ADGRB3: variants seen among roughly 807,000 people sequenced by gnomAD.
ADGRB3 encodes brain-specific angiogenesis inhibitor 3.
Under a neutral mutation model 193.4 loss-of-function variants are expected in ADGRB3, and 37 were observed. The observed-to-expected ratio is 0.19, with a 90% CI of 0.15 to 0.25. ADGRB3 has a LOEUF of 0.25. ADGRB3 is among the 10% of genes least tolerant of loss of function. ADGRB3 has a pLI of 1.00. For missense variants in ADGRB3, 1,637 were observed against 1,852.9 expected, an observed-to-expected ratio of 0.88 and a Z score of 2.14; for synonymous variants, 690 against 644.2, an observed-to-expected ratio of 1.07 and a Z score of -1.08.
intron 3 of ADGRB3, among the ~76,000 whole-genome samples, chr6:68,866,718 A>G (rs1456183801): frequency 6.6e-6 from 1 of 152,204 alleles, no homozygotes; most frequent in East Asian, 1.9e-4. Flanking sequence ...ATAGTCTCAG[A>G]TGGAGATTAG....
chr6:69,270,919 A>AT (rs983861408), intron 20 of ADGRB3, among the ~76,000 whole-genome samples: 1 of 152,098 alleles, frequency 6.6e-6, no homozygotes, highest in Non-Finnish European at 1.5e-5. Context: ...TAGAATAAGC[A>AT]TTTTTTTCAA....
intron 8 of ADGRB3, among the ~76,000 whole-genome samples, chr6:68,970,231 C>T (rs1768518786): frequency 6.6e-6 from 1 of 151,884 alleles, no homozygotes; most frequent in African/African-American, 2.4e-5. Context: ...TTTGTTTCAC[C>T]TTGCCTCCTC....
chr6:68,765,650 C>T (rs1766495517), intron 3 of ADGRB3, among the ~76,000 whole-genome samples: 1 of 151,454 alleles, frequency 6.6e-6, no homozygotes, highest in African/African-American at 2.4e-5. Context: ...AGGGTCTTGT[C>T]TTATTATATT....
rs768901389 is a variant in ADGRB3 at position 69,354,219 on chromosome 6, C to G, written c.3460-14C>G. 1.9e-6 allele frequency: 3 copies of G among 1,592,088 alleles called. No individual in the cohort carries two copies. In the South Asian group the frequency reaches 3.3e-5, roughly 18 times the overall value. Reference sequence around the variant, plus strand: ...TAAGAGAGAAGAAAATTAATGTGTTCCCCCTCCCCACAGGTTCAGGATGCA... The same window carrying G: ...TAAGAGAGAAGAAAATTAATGTGTTGCCCCTCCCCACAGGTTCAGGATGCA... On this transcript the variant is annotated splice_polypyrimidine_tract_variant and intron_variant, in intron 26 of 31. Transcript: ENST00000370598.
At chr6:68,737,994 G>A (rs370057207) in intron 3 of ADGRB3, among the ~76,000 whole-genome samples, 1 of 152,192 alleles carries the variant, frequency 6.6e-6, no homozygotes. Context: ...AAGGAGAAAG[G>A]GAAAGGTGTT....
chr6:68,697,513 A>T (rs1052432131), intron 3 of ADGRB3, among the ~76,000 whole-genome samples: 1 of 151,860 alleles, frequency 6.6e-6, no homozygotes, highest in Non-Finnish European at 1.5e-5. Flanking sequence ...TCATAGTAAC[A>T]TTTTTAGTGT....
intron 8 of ADGRB3, among the ~76,000 whole-genome samples, chr6:68,958,870 AG>A (rs1443808902): frequency 1.4e-5 from 2 of 147,234 alleles, no homozygotes; most frequent in Non-Finnish European, 3.0e-5. Flanking sequence ...AAAGAAAAAT[AG>A]TGTGTGTGTG....
chr6:68,738,086 G>T (rs769277330), intron 3 of ADGRB3, among the ~76,000 whole-genome samples: 1 of 152,132 alleles, frequency 6.6e-6, no homozygotes, highest in Non-Finnish European at 1.5e-5. Flanking sequence ...ATCTGAAAGG[G>T]AATAAGGATG....
intron 3 of ADGRB3, among the ~76,000 whole-genome samples, chr6:68,929,834 A>G (rs1767289208): frequency 6.6e-6 from 1 of 152,062 alleles, no homozygotes; most frequent in Non-Finnish European, 1.5e-5. Flanking sequence ...TTAGTACCAG[A>G]CATTTTTTTT....
intron 3 of ADGRB3, among the ~76,000 whole-genome samples, chr6:68,879,421 G>T (rs1217722224): frequency 1.3e-5 from 2 of 151,666 alleles, no homozygotes; most frequent in Non-Finnish European, 2.9e-5. Flanking sequence ...GTAGAGACGG[G>T]GTTTCACCGT....
chr6:68,647,740 G>A (rs1582095866), intron 3 of ADGRB3, among the ~76,000 whole-genome samples: 1 of 152,090 alleles, frequency 6.6e-6, no homozygotes, highest in Non-Finnish European at 1.5e-5. Context: ...AATGATTTCC[G>A]ACTATTTTAA....
intron 17 of ADGRB3, among the ~76,000 whole-genome samples, chr6:69,206,709 CA>C (rs1403327034): frequency 6.6e-6 from 1 of 152,038 alleles, no homozygotes; most frequent in Admixed American, 6.6e-5. Flanking sequence ...AAGAAGGAAA[CA>C]AAAGAAGGAG....
At chr6:69,120,361 C>A (rs4706126) in intron 17 of ADGRB3, among the ~76,000 whole-genome samples, 97,077 of 152,116 alleles carry the variant, frequency 0.64, 32,233 homozygotes, top group East Asian at 0.95. Context: ...GAAATCTGTG[C>A]TTTAACCAGC....
intron 16 of ADGRB3, among the ~76,000 whole-genome samples, chr6:69,064,695 C>A (rs1283582966): frequency 6.6e-6 from 1 of 152,030 alleles, no homozygotes; most frequent in Non-Finnish European, 1.5e-5. Flanking sequence ...CACCCAGTAT[C>A]AGAATGTGTA....
At chr6:69,375,589 T>C (rs1259014566) in intron 30 of ADGRB3, among the ~76,000 whole-genome samples, 1 of 152,100 alleles carries the variant, frequency 6.6e-6, no homozygotes, top group African/African-American at 2.4e-5. Flanking sequence ...AGAATAAAGA[T>C]TCCTAATGTG....
At chr6:69,131,961 C>G (rs1415747841) in intron 17 of ADGRB3, among the ~76,000 whole-genome samples, 1 of 151,992 alleles carries the variant, frequency 6.6e-6, no homozygotes. Flanking sequence ...TGAACTCATC[C>G]GTTTTTATGG....
chr6:69,334,264 A>T (rs1278992185), intron 24 of ADGRB3, among the ~76,000 whole-genome samples: 2 of 152,078 alleles, frequency 1.3e-5, no homozygotes, highest in African/African-American at 2.4e-5. Context: ...TAATAGTCCT[A>T]CTAATTGATC....
chr6:69,186,835 T>A (rs1226363776), intron 17 of ADGRB3, among the ~76,000 whole-genome samples: 4 of 152,008 alleles, frequency 2.6e-5, no homozygotes, highest in Non-Finnish European at 4.4e-5. Flanking sequence ...TACATTTTTT[T>A]AAATACAGAA....
chr6:69,297,418 A>C (rs1303930835), intron 20 of ADGRB3, among the ~76,000 whole-genome samples: 11 of 139,352 alleles, frequency 7.9e-5, no homozygotes, highest in African/African-American at 2.6e-4. Context: ...CTCTATATAT[A>C]TATATATATG....
Sources: gnomAD v4.1 joint callset for allele counts (sites outside exome capture counted in the v4.1 genomes callset) on GRCh38, gnomAD v4.1.1 for gene constraint, MANE v1.5 for transcripts, NCBI Gene and HGNC (gene_info 2026-07-23, HGNC 2026-07-21) for gene names.